SAMHD1: variants seen among roughly 807,000 people sequenced by gnomAD.
The protein encoded by SAMHD1 is deoxynucleoside triphosphate triphosphohydrolase SAMHD1.
A neutral mutation model predicts 79.6 loss-of-function variants in SAMHD1; 54 were observed. The ratio of observed to expected loss-of-function variants is 0.68; its 90% CI spans 0.55 to 0.85. SAMHD1 has a LOEUF of 0.85. Ranked by LOEUF, SAMHD1 falls within the 40% of genes least tolerant of loss-of-function variation. The pLI is 0.00. For missense variants in SAMHD1, 663 were observed against 782.7 expected (o/e 0.85, Z 1.82); for synonymous variants, 260 against 264.1 (o/e 0.98, Z 0.15).
In SAMHD1 at chr20:36,919,190, T is replaced by A. The variant is rs149338866; in HGVS notation, c.852+174A>T. ...GGAAGTAACTTCTAACTAATTCAGT[T>A]GAGAGGTAGAAAAAAATATAAGCCT... On this transcript the variant is annotated intron_variant, in intron 7 of 15. Coordinates refer to ENST00000646673, the MANE Select transcript of SAMHD1 (RefSeq NM_015474.4). Among the ~76,000 whole-genome samples the A allele has an allele frequency of 1.9e-3, 292 of 152,258 alleles. 3 individuals are homozygous for A. Among genetic ancestry groups the A allele is most frequent in the African/African-American group, 6.9e-3 (285 of 41,542 alleles).
At position 36,916,769 on chromosome 20, in the gene SAMHD1, G is replaced by A. The variant is rs962672070; in HGVS notation, c.1015C>T (p.Arg339Cys). 85 of 1,613,758 alleles carry A rather than the reference G, an allele frequency of 5.3e-5. No homozygotes were observed. Among genetic ancestry groups the A allele is most frequent in the Non-Finnish European group, 6.9e-5 (81 of 1,179,938 alleles). Residue 339 changes from arginine (R) to cysteine (C), a missense_variant, in exon 9 of 16, where the codon CGT becomes TGT. By Grantham distance (180) the Arg-to-Cys change is radical. Transcript: ENST00000646673. ...AACTCATTGTCTACTTCACAGACACGGGCAAACTTAATAAAGCGCTTGTAA... is the reference window on the plus strand; with the variant it reads ...AACTCATTGTCTACTTCACAGACACAGGCAAACTTAATAAAGCGCTTGTAA... ...FDYKRFIKFARVCEVDNELRI... is the reference protein window; with the variant it reads ...FDYKRFIKFACVCEVDNELRI...
At position 36,930,847 on chromosome 20, in the gene SAMHD1, G is replaced by A. The variant is rs773294169; in HGVS notation, c.538C>T (p.His180Tyr). ...TCTGGTTGTTTTTCACCCAGTGCGT[G>A]AACTAGACATCCTGCTAGATACCCC... ...GVGYLAGCLV[H>Y]ALGEKQPELQ... is the part of the protein sequence containing the mutation. Residue 180 changes from histidine (H) to tyrosine (Y), a missense_variant, in exon 5 of 16, where the codon CAC becomes TAC. His to Tyr is a moderately conservative substitution (Grantham distance 83, BLOSUM62 2). Coordinates refer to ENST00000646673, the MANE Select transcript of SAMHD1 (RefSeq NM_015474.4). 6 of 1,613,818 alleles carry A rather than the reference G, an allele frequency of 3.7e-6. No homozygotes were observed. Among genetic ancestry groups the A allele is most frequent in the Non-Finnish European group, 5.1e-6 (6 of 1,179,750 alleles).
intron 14 of SAMHD1, 127 bp downstream of exon 14, chr20:36,898,313 C>T (rs968110562): frequency 1.3e-6 from 1 of 762,056 alleles, no homozygotes; most frequent in African/African-American, 1.7e-5. Flanking sequence ...CAGGTATGAG[C>T]TACTGTGCCA....
intron 15 of SAMHD1, chr20:36,893,444 A>G: frequency 3.1e-6 from 1 of 322,730 alleles, no homozygotes; most frequent in Non-Finnish European, 5.8e-6. Context: ...CCTCTGCAAT[A>G]AAAGGCCCAG....
intron 2 of SAMHD1, among the ~76,000 whole-genome samples, chr20:36,943,025 T>A (rs1285025978): frequency 6.6e-6 from 1 of 152,082 alleles, no homozygotes; most frequent in East Asian, 1.9e-4. Flanking sequence ...CTACTAGGAG[T>A]GCTTGTCTAA....
At chr20:36,924,722 A>G (rs1170466516) in intron 6 of SAMHD1, among the ~76,000 whole-genome samples, 1 of 152,064 alleles carries the variant, frequency 6.6e-6, no homozygotes, top group Non-Finnish European at 1.5e-5. Flanking sequence ...CTCAGATAAA[A>G]ATTTCTTTTC....
Position 36,912,424 on chromosome 20 carries a change from GA to G in SAMHD1, c.1154+36del, listed in dbSNP as rs2063445914. Reference sequence around the variant, plus strand: ...TATGATACTCTAGCCAAGTATCAAGGAAAATTTTATAGGGAAATGACAATCA... The same window carrying G: ...TATGATACTCTAGCCAAGTATCAAGGAAATTTTATAGGGAAATGACAATCA... On this transcript the variant is annotated intron_variant, in intron 10 of 15. Coordinates refer to ENST00000646673, the MANE Select transcript of SAMHD1 (RefSeq NM_015474.4). The G allele has an allele frequency of 4.9e-6, 7 of 1,419,808 alleles. No homozygotes were observed. In the South Asian group the frequency reaches 8.1e-5, roughly 16 times the overall value. 88.0% of individuals were successfully genotyped at this position (1,419,808 alleles called of 1,614,324 possible).
rs1990105144 is a variant in SAMHD1, at chr20:36,892,660, TAA to T, written c.*270_*271del. ...GAAAAAAAATAGAGTTCAGAATAGATAAAAGAGTTGTTATTCTAAGAAAATAG... is the reference window on the plus strand; with the variant it reads ...GAAAAAAAATAGAGTTCAGAATAGATAAGAGTTGTTATTCTAAGAAAATAG... On this transcript the variant is annotated 3_prime_UTR_variant, in exon 16 of 16. Transcript: ENST00000646673. 2.0e-6 allele frequency: 1 copy of T among 490,418 alleles called. No homozygotes were observed. The highest frequency in any genetic ancestry group is 3.3e-5 in the Admixed American group (1 of 30,378). The allele number at this position is 490,418 out of a possible 1,614,324, so 30.4% of individuals were successfully genotyped here.
At position 36,890,329 on chromosome 20, in the gene SAMHD1, C is replaced by T. The variant is rs950786082; in HGVS notation, c.*2603G>A. The T allele has an allele frequency of 2.0e-5, 3 of 151,898 alleles. No individual in the cohort carries two copies. The highest frequency in any genetic ancestry group is 4.8e-5 in the African/African-American group (2 of 41,340). 9.4% of individuals were successfully genotyped at this position (151,898 alleles called of 1,614,324 possible). A position where few individuals can be genotyped will look rare whatever the true frequency, so the allele number is the denominator to read the frequency against. ...TTTACATTCCCAAGGTAACCACGTT[C>T]AGTAACTCTCTAGAGGCTAAGCTGT... On this transcript the variant is annotated 3_prime_UTR_variant, in exon 16 of 16. Transcript: ENST00000646673.
At chr20:36,899,363 G>A (rs1207502868) in intron 13 of SAMHD1, among the ~76,000 whole-genome samples, 1 of 152,034 alleles carries the variant, frequency 6.6e-6, no homozygotes, top group Non-Finnish European at 1.5e-5. Flanking sequence ...GGCAGGCGGA[G>A]GTTGCAGTGA....
chr20:36,939,712 A>G (rs894171709), intron 3 of SAMHD1, among the ~76,000 whole-genome samples: 1 of 152,332 alleles, frequency 6.6e-6, no homozygotes, highest in Admixed American at 6.5e-5. Context: ...ATTTTTTAAA[A>G]AAAGTGAAAA....
At chr20:36,898,369 A>G (rs1990236818) in intron 14 of SAMHD1, 71 bp downstream of exon 14, 1 of 1,191,170 alleles carries the variant, frequency 8.4e-7, no homozygotes, top group Non-Finnish European at 1.3e-6. Flanking sequence ...TAATTTGCAT[A>G]TAAAATGCTA....
intron 2 of SAMHD1, among the ~76,000 whole-genome samples, chr20:36,942,803 T>C (rs991067371): frequency 3.9e-5 from 6 of 151,960 alleles, no homozygotes; most frequent in Admixed American, 6.6e-5. Flanking sequence ...CCCGCCACCA[T>C]GCCCAGCTAA....
chr20:36,932,002 G>A (rs1038495455), intron 4 of SAMHD1, among the ~76,000 whole-genome samples: 2 of 151,892 alleles, frequency 1.3e-5, no homozygotes, highest in Non-Finnish European at 1.5e-5. Context: ...AAAGAGGGCC[G>A]GGTGCGGTGG....
intron 5 of SAMHD1, among the ~76,000 whole-genome samples, chr20:36,930,085 C>CA (rs11468025): frequency 1.7e-4 from 22 of 131,462 alleles, no homozygotes; most frequent in South Asian, 4.7e-4. Context: ...AAAAAAAGAC[C>CA]AAAAAAAAAA....
chr20:36,913,874 C>T (rs1479218168), intron 9 of SAMHD1, among the ~76,000 whole-genome samples: 1 of 151,622 alleles, frequency 6.6e-6, no homozygotes, highest in East Asian at 1.9e-4. Flanking sequence ...GTACCTCATC[C>T]TCCTGAGTAG....
At chr20:36,897,762 T>C in intron 15 of SAMHD1, 60 bp downstream of exon 15, 1 of 1,600,076 alleles carries the variant, frequency 6.2e-7, no homozygotes, top group Non-Finnish European at 8.6e-7. Context: ...ATAGACTTAC[T>C]TTTGGTTTTT....
At chr20:36,928,146 G>A (rs1681680012) in intron 5 of SAMHD1, among the ~76,000 whole-genome samples, 1 of 152,168 alleles carries the variant, frequency 6.6e-6, no homozygotes, top group Admixed American at 6.5e-5. Context: ...CAGCACTTTG[G>A]GAGGCTGAGG....
At chr20:36,928,668 G>A (rs1416998400) in intron 5 of SAMHD1, among the ~76,000 whole-genome samples, 1 of 151,024 alleles carries the variant, frequency 6.6e-6, no homozygotes, top group Non-Finnish European at 1.5e-5. Flanking sequence ...CTGGGCAACA[G>A]AGCGAGATTC....
Sources: allele counts gnomAD v4.1 joint callset (sites outside exome capture counted in the v4.1 genomes callset), GRCh38; gene constraint gnomAD v4.1.1; transcripts MANE v1.5; gene names NCBI Gene and HGNC (gene_info 2026-07-23, HGNC 2026-07-21).